Variants in SYN3 observed in about 807,000 individuals in gnomAD.
SYN3 encodes synapsin III.
In SYN3, 35 loss-of-function variants were observed where a neutral mutation model predicts 65.8. That is an observed-to-expected ratio of 0.53 (90% CI 0.41 to 0.70). The LOEUF (loss-of-function observed/expected upper bound fraction) is 0.70, where lower values mean the gene tolerates loss of function less well. Ranked by LOEUF, SYN3 falls within the 30% of genes least tolerant of loss-of-function variation. SYN3 has a pLI of 0.00. For missense variants in SYN3, 680 were observed against 749.0 expected (o/e 0.91, Z 1.08); for synonymous variants, 270 against 292.9 (o/e 0.92, Z 0.80).
At chr22:32,807,386 T>TTATATATAATATATAA (rs1569239860) in intron 6 of SYN3, among the ~76,000 whole-genome samples, 114 of 104,268 alleles carry the variant, frequency 1.1e-3, no homozygotes, top group Non-Finnish European at 1.5e-3. Context: ...ATAATATATA[T>TTATATATAATATATAA]TATATATAAT....
intron 4 of SYN3, among the ~76,000 whole-genome samples, chr22:32,913,749 G>A (rs551167410): frequency 1.4e-3 from 209 of 152,306 alleles, no homozygotes; most frequent in African/African-American, 4.5e-3. Context: ...ATGACAATGC[G>A]AAGAGCCGCA....
chr22:32,780,985 CCTT>C, intron 6 of SYN3, among the ~76,000 whole-genome samples: 1 of 131,820 alleles, frequency 7.6e-6, no homozygotes, highest in Non-Finnish European at 1.7e-5. Flanking sequence ...TTCCCTCCTT[CCTT>C]CCTCTCTCTC....
chr22:32,908,334 C>G (rs2049958641), intron 4 of SYN3, among the ~76,000 whole-genome samples: 1 of 151,628 alleles, frequency 6.6e-6, no homozygotes, highest in South Asian at 2.1e-4. Context: ...GATCCGCCCA[C>G]CTTGGCCTCC....
intron 9 of SYN3, among the ~76,000 whole-genome samples, chr22:32,535,193 TC>T (rs2058143446): frequency 6.6e-6 from 1 of 152,128 alleles, no homozygotes; most frequent in Non-Finnish European, 1.5e-5. Flanking sequence ...AAGCCACCCT[TC>T]CTCTCATTCT....
At chr22:32,867,734 C>T (rs1197636553) in intron 5 of SYN3, among the ~76,000 whole-genome samples, 3 of 152,188 alleles carry the variant, frequency 2.0e-5, no homozygotes, top group African/African-American at 4.8e-5. Context: ...AGGTGCACGC[C>T]ACCACGCCCA....
At chr22:32,567,131 G>A (rs1031946817) in intron 7 of SYN3, among the ~76,000 whole-genome samples, 1 of 152,162 alleles carries the variant, frequency 6.6e-6, no homozygotes, top group African/African-American at 2.4e-5. Context: ...AGATGTAAAA[G>A]CTTCACCAGG....
At chr22:32,922,353 G>A (rs1189244138) in intron 4 of SYN3, among the ~76,000 whole-genome samples, 1 of 152,202 alleles carries the variant, frequency 6.6e-6, no homozygotes, top group Non-Finnish European at 1.5e-5. Context: ...CTATAAAATG[G>A]TGATTTTAAT....
intron 6 of SYN3, among the ~76,000 whole-genome samples, chr22:32,797,167 C>T (rs1303421834): frequency 6.6e-6 from 1 of 152,162 alleles, no homozygotes; most frequent in African/African-American, 2.4e-5. Context: ...CTTATAGCGC[C>T]CCCTAGCACC....
At chr22:33,035,843 A>G (rs1252505443) in intron 1 of SYN3, among the ~76,000 whole-genome samples, 1 of 152,208 alleles carries the variant, frequency 6.6e-6, no homozygotes, top group Non-Finnish European at 1.5e-5. Flanking sequence ...TCTGTCTACC[A>G]AAGTGTTGGG....
chr22:32,865,864 T>A (rs903073543), intron 5 of SYN3, among the ~76,000 whole-genome samples: 1 of 151,978 alleles, frequency 6.6e-6, no homozygotes, highest in Non-Finnish European at 1.5e-5. Context: ...TGAAGGGACC[T>A]GGAAGGGGGA....
At chr22:32,935,353 C>T (rs570476154) in intron 3 of SYN3, among the ~76,000 whole-genome samples, 19 of 151,546 alleles carry the variant, frequency 1.3e-4, no homozygotes, top group African/African-American at 4.1e-4. Context: ...TCACCTATAT[C>T]GCAAAAAACG....
intron 1 of SYN3, among the ~76,000 whole-genome samples, chr22:33,012,549 T>C (rs2053374442): frequency 1.3e-5 from 2 of 152,232 alleles, no homozygotes; most frequent in African/African-American, 4.8e-5. Flanking sequence ...TAGCTGACAC[T>C]CCCATGGTGA....
chr22:32,763,202 A>C (rs892448189), intron 6 of SYN3, among the ~76,000 whole-genome samples: 1 of 151,686 alleles, frequency 6.6e-6, no homozygotes, highest in African/African-American at 2.4e-5. Flanking sequence ...GCTGGAGTGC[A>C]GTGGCACTAT....
intron 4 of SYN3, among the ~76,000 whole-genome samples, chr22:32,921,818 T>C (rs2050341177): frequency 6.6e-6 from 1 of 152,062 alleles, no homozygotes; most frequent in African/African-American, 2.4e-5. Context: ...TGAGGAGGTA[T>C]TGTTATTATT....
At chr22:32,918,037 G>A (rs1006755552) in intron 4 of SYN3, among the ~76,000 whole-genome samples, 5 of 152,274 alleles carry the variant, frequency 3.3e-5, no homozygotes, top group South Asian at 2.1e-4. Flanking sequence ...CCCGCCTGGG[G>A]ACACAAGGCT....
intron 1 of SYN3, among the ~76,000 whole-genome samples, chr22:33,028,678 G>A (rs1196680191): frequency 9.8e-6 from 1 of 102,178 alleles, no homozygotes; most frequent in African/African-American, 4.1e-5. Flanking sequence ...TGGTGGTGGT[G>A]GTGGTGGTGG....
chr22:32,706,619 C>T (rs1303414971), intron 6 of SYN3, among the ~76,000 whole-genome samples: 4 of 152,124 alleles, frequency 2.6e-5, no homozygotes, highest in Admixed American at 2.0e-4. Context: ...GAGACCATGG[C>T]AAAGAGACGG....
At position 32,931,438 on chromosome 22, in the gene SYN3, C is replaced by T. The variant is rs1176121806; in HGVS notation, c.413G>A (p.Gly138Asp). 2 of 1,612,988 alleles carry T rather than the reference C, an allele frequency of 1.2e-6. No individual in the cohort carries two copies. Among genetic ancestry groups the T allele is most frequent in the East Asian group, 2.2e-5 (1 of 44,874 alleles). Residue 138 changes from glycine to aspartate, a missense_variant, in exon 4 of 14, where the codon GGC becomes GAC. Gly to Asp is a moderately conservative substitution (Grantham distance 94, BLOSUM62 -1). Transcript: ENST00000358763. ...ELNLAAYVTG[G>D]CMVDMQVVRN... ...CACGACCTGCATGTCCACCATGCAGCCCCCGGTCACATAGGCAGCTAGGTT... is the reference window on the plus strand; with the variant it reads ...CACGACCTGCATGTCCACCATGCAGTCCCCGGTCACATAGGCAGCTAGGTT...
chr22:32,721,895 G>C (rs893619647), intron 6 of SYN3, among the ~76,000 whole-genome samples: 7 of 152,210 alleles, frequency 4.6e-5, no homozygotes, highest in African/African-American at 1.7e-4. Context: ...ATTTGAACTG[G>C]AACCTGACTG....
Sources: allele counts gnomAD v4.1 joint callset (sites outside exome capture counted in the v4.1 genomes callset), GRCh38; gene constraint gnomAD v4.1.1; transcripts MANE v1.5; gene names NCBI Gene and HGNC (gene_info 2026-07-23, HGNC 2026-07-21).